FNBP1: variants seen among roughly 807,000 people sequenced by gnomAD.
FNBP1 encodes formin binding protein 1, also known as formin-binding protein 1.
Under a neutral mutation model 90.6 loss-of-function variants are expected in FNBP1, and 26 were observed. That is an observed-to-expected ratio of 0.29 (90% CI 0.21 to 0.40). FNBP1 has a LOEUF of 0.40. FNBP1 is among the 10% of genes least tolerant of loss of function. The pLI is 1.00. For missense variants in FNBP1, 635 were observed against 768.0 expected (o/e 0.83, Z 2.05); for synonymous variants, 260 against 265.2 (o/e 0.98, Z 0.19).
chr9:129,997,614 C>G (rs191626717), intron 1 of FNBP1, among the ~76,000 whole-genome samples: 1 of 152,340 alleles, frequency 6.6e-6, no homozygotes, highest in East Asian at 1.9e-4. Flanking sequence ...GAGAGCACGA[C>G]TTCGTCAAAG....
intron 11 of FNBP1, among the ~76,000 whole-genome samples, chr9:129,915,528 T>C (rs2040127861): frequency 6.6e-6 from 1 of 152,032 alleles, no homozygotes; most frequent in Non-Finnish European, 1.5e-5. Context: ...CACGCCCGGC[T>C]AATTTTTTGG....
intron 5 of FNBP1, among the ~76,000 whole-genome samples, chr9:129,958,007 T>G (rs899821759): frequency 3.3e-5 from 5 of 152,246 alleles, no homozygotes; most frequent in African/African-American, 4.8e-5. Context: ...GGCTCAACTT[T>G]AGATAATGGT....
chr9:130,006,923 G>A (rs2131580546), intron 1 of FNBP1, among the ~76,000 whole-genome samples: 1 of 152,138 alleles, frequency 6.6e-6, no homozygotes, highest in East Asian at 1.9e-4. Context: ...GCTGCATATG[G>A]ATGAAGTTAG....
intron 1 of FNBP1, among the ~76,000 whole-genome samples, chr9:130,015,179 T>G (rs1370713783): frequency 2.0e-5 from 3 of 152,178 alleles, no homozygotes; most frequent in African/African-American, 7.2e-5. Context: ...AATATTTTAT[T>G]GAGCACTTAC....
chr9:129,958,463 T>A, intron 5 of FNBP1, 28 bp downstream of exon 5: 1 of 1,547,928 alleles, frequency 6.5e-7, no homozygotes, highest in Non-Finnish European at 8.8e-7. Flanking sequence ...TATAAAGCCG[T>A]TTCTTTTGCT....
At chr9:129,905,294 G>A (rs10988545) in intron 12 of FNBP1, among the ~76,000 whole-genome samples, 12,544 of 132,278 alleles carry the variant, frequency 0.095, 1,355 homozygotes, top group African/African-American at 0.27. Context: ...GTGTGTGTGT[G>A]TATATATATA....
At chr9:129,952,788 C>G (rs60541956) in intron 6 of FNBP1, among the ~76,000 whole-genome samples, 12,319 of 152,152 alleles carry the variant, frequency 0.081, 554 homozygotes, top group South Asian at 0.09. Context: ...GTAAAATAGA[C>G]AGAACATCAA....
Position 129,994,505 on chromosome 9 carries a change from A to C in FNBP1, c.140+338T>G, listed in dbSNP as rs565576407. Among the ~76,000 whole-genome samples, 9 of 152,320 alleles carry C rather than the reference A, an allele frequency of 5.9e-5. No individual in the cohort carries two copies. The East Asian group carries it at 1.7e-3, about 29-fold the overall frequency. ...GTTACATGAGTGTGTTCACACTGTCAAAATTCATGGAGCTGCACACTTATG... is the reference window on the plus strand; with the variant it reads ...GTTACATGAGTGTGTTCACACTGTCCAAATTCATGGAGCTGCACACTTATG... On this transcript the variant is annotated intron_variant, in intron 2 of 16. Coordinates refer to ENST00000446176, the MANE Select transcript of FNBP1 (RefSeq NM_015033.3).
chr9:129,893,798 C>T (rs1237035655), intron 16 of FNBP1, among the ~76,000 whole-genome samples: 1 of 151,212 alleles, frequency 6.6e-6, no homozygotes, highest in Non-Finnish European at 1.5e-5. Flanking sequence ...CGCCTGTAGT[C>T]CCAGCTACTT....
chr9:129,972,874 A>C (rs529584685), intron 4 of FNBP1, among the ~76,000 whole-genome samples: 1 of 152,294 alleles, frequency 6.6e-6, no homozygotes, highest in African/African-American at 2.4e-5. Flanking sequence ...ATTCTGCATT[A>C]AGTAACAGAA....
At chr9:129,971,435 G>C (rs1296830216) in intron 4 of FNBP1, among the ~76,000 whole-genome samples, 1 of 151,778 alleles carries the variant, frequency 6.6e-6, no homozygotes, top group Admixed American at 6.6e-5. Flanking sequence ...CTGTCACTCA[G>C]GCTGGAGTGC....
intron 10 of FNBP1, among the ~76,000 whole-genome samples, chr9:129,919,493 C>T: frequency 6.6e-6 from 1 of 152,156 alleles, no homozygotes; most frequent in Non-Finnish European, 1.5e-5. Flanking sequence ...AAATGGAGAA[C>T]ATGCTATCTA....
At position 130,042,806 on chromosome 9, in the gene FNBP1, G is replaced by A; in HGVS notation, c.24+146C>T. The A allele has an allele frequency of 2.2e-6, 1 of 456,212 alleles. No individual in the cohort carries two copies. The highest frequency in any genetic ancestry group is 3.5e-6 in the Non-Finnish European group (1 of 287,506). The allele number at this position is 456,212 out of a possible 1,614,324, so 28.3% of individuals were successfully genotyped here. On this transcript the variant is annotated intron_variant, in intron 1 of 16. Transcript: ENST00000446176. The surrounding 1 kb of genome is among the most constrained non-coding windows in gnomAD (Gnocchi z 5.5). Reference sequence around the variant, plus strand: ...GGGCCAAGGCGGACGAGGGGCATTGGAACCCCGCCTCCTCCCCAGGCCGCG... The same window carrying A: ...GGGCCAAGGCGGACGAGGGGCATTGAAACCCCGCCTCCTCCCCAGGCCGCG...
chr9:129,932,297 A>G (rs1290984432), intron 6 of FNBP1, among the ~76,000 whole-genome samples: 1 of 151,842 alleles, frequency 6.6e-6, no homozygotes, highest in Non-Finnish European at 1.5e-5. Flanking sequence ...AGGAAGGAAG[A>G]AAGAAAAGAA....
intron 1 of FNBP1, among the ~76,000 whole-genome samples, chr9:130,003,566 T>A (rs2055186533): frequency 1.3e-5 from 2 of 150,474 alleles, no homozygotes; most frequent in South Asian, 2.1e-4. Context: ...GAGATTTCAT[T>A]ACTGCACTCC....
chr9:129,915,783 C>T (rs1185402621), intron 11 of FNBP1, among the ~76,000 whole-genome samples, 183 bp downstream of exon 11: 1 of 152,186 alleles, frequency 6.6e-6, no homozygotes, highest in Non-Finnish European at 1.5e-5. Flanking sequence ...TTAAGATCAC[C>T]TCTATTAGAT....
rs115007660 is a variant in FNBP1 at position 129,887,382 on chromosome 9, C to T, written c.*3157G>A. ...AGAATTAGTGCAACACACATACGAA[C>T]ATTTTAAAGGTGCTCAACATCAGGT... On this transcript the variant is annotated 3_prime_UTR_variant, in exon 17 of 17. Transcript: ENST00000446176. 1,181 of 201,188 alleles carry T rather than the reference C, an allele frequency of 5.9e-3. 20 individuals carry two copies. Among genetic ancestry groups the T allele is most frequent in the African/African-American group, 0.026 (1,119 of 43,600 alleles). 12.5% of individuals were successfully genotyped at this position (201,188 alleles called of 1,614,324 possible).
Position 129,895,164 on chromosome 9 carries a change from C to T in FNBP1, c.1846+674G>A, listed in dbSNP as rs193190685. The T allele has an allele frequency of 2.1e-3, 1,430 of 695,842 alleles. 7 individuals are homozygous for T. Among genetic ancestry groups the T allele is most frequent in the Non-Finnish European group, 2.5e-3 (1,335 of 543,656 alleles). 43.1% of individuals were successfully genotyped at this position (695,842 alleles called of 1,614,324 possible). On this transcript the variant is annotated intron_variant, in intron 16 of 16. Coordinates refer to ENST00000446176, the MANE Select transcript of FNBP1 (RefSeq NM_015033.3). ...CAAGTGGTCAATTCACCAAACTTTT[C>T]CAGATTTCAGCTGGTTGTCTGGGAT... is the stretch of plus-strand genomic sequence containing the variant.
chr9:129,910,448 C>G, intron 11 of FNBP1, among the ~76,000 whole-genome samples: 1 of 126,568 alleles, frequency 7.9e-6, no homozygotes. Flanking sequence ...TGCCGCTGTA[C>G]TCCAGCCTGG....
Sources: allele counts gnomAD v4.1 joint callset (sites outside exome capture counted in the v4.1 genomes callset), GRCh38; gene constraint gnomAD v4.1.1; non-coding constraint Gnocchi (gnomAD v3.1); transcripts MANE v1.5; gene names NCBI Gene and HGNC (gene_info 2026-07-23, HGNC 2026-07-21).